The following TTC39B variants were observed in gnomAD, a reference collection of about 807,000 sequenced individuals.
The protein encoded by TTC39B is tetratricopeptide repeat domain 39B, also known as tetratricopeptide repeat protein 39B.
A neutral mutation model predicts 96.6 loss-of-function variants in TTC39B; 92 were observed. The ratio of observed to expected loss-of-function variants is 0.95; its 90% confidence interval spans 0.80 to 1.13. The LOEUF (loss-of-function observed/expected upper bound fraction) is 1.13. Ranked by LOEUF, TTC39B falls within the 50% of genes most tolerant of loss-of-function variation. The pLI is 0.00. For missense variants in TTC39B, 955 were observed against 809.3 expected, an observed-to-expected ratio of 1.18 and a Z score of -2.18; for synonymous variants, 367 against 299.4, an observed-to-expected ratio of 1.23 and a Z score of -2.33.
At position 15,272,373 on chromosome 9, in the gene TTC39B, T is replaced by C. The variant is rs141920809; in HGVS notation, c.241-4425A>G. On this transcript the variant is annotated intron_variant, in intron 1 of 19. Transcript: ENST00000512701. The stretch of plus-strand genomic sequence containing the variant: ...CTCCCCAGTACTGGTGGGCTCACCG[T>C]GTGCCCTCCAGTTACAACACGCACA... Among the ~76,000 whole-genome samples, 253 of 152,306 alleles carry C rather than the reference T, an allele frequency of 1.7e-3. 2 individuals are homozygous for C. Among genetic ancestry groups the C allele is most frequent in the African/African-American group, 5.6e-3 (231 of 41,570 alleles).
At chr9:15,190,611 A>C (rs767480024) in exon 11 of TTC39B, 1 of 1,614,224 alleles carries the variant, frequency 6.2e-7, no homozygotes, top group Admixed American at 1.7e-5. Flanking sequence ...CACAGTGCAG[A>C]CCTCATGCTC....
intron 2 of TTC39B, among the ~76,000 whole-genome samples, chr9:15,227,323 A>G (rs1821178025): frequency 6.6e-6 from 1 of 151,260 alleles, no homozygotes; most frequent in African/African-American, 2.4e-5. Flanking sequence ...AAAAAAAAAA[A>G]GTGCAGTGTC....
intron 1 of TTC39B, among the ~76,000 whole-genome samples, chr9:15,302,346 G>A (rs962455161): frequency 1.2e-4 from 18 of 151,284 alleles, no homozygotes; most frequent in Admixed American, 3.3e-4. Context: ...GCCGGGCGCG[G>A]TGGCTCACGC....
At chr9:15,188,256 TATG>T (rs1564324001) in intron 13 of TTC39B, 124 bp from the exon 14 acceptor site, 3 of 884,988 alleles carry the variant, frequency 3.4e-6, no homozygotes, top group Middle Eastern at 3.4e-4. Flanking sequence ...AACCTCTCAA[TATG>T]ATGATATGTT....
intron 3 of TTC39B, among the ~76,000 whole-genome samples, chr9:15,220,741 A>T (rs1207762674): frequency 6.6e-6 from 1 of 152,040 alleles, no homozygotes; most frequent in African/African-American, 2.4e-5. Context: ...TTGTATAACC[A>T]GTTCCCCTAG....
intron 3 of TTC39B, among the ~76,000 whole-genome samples, chr9:15,221,419 A>T (rs1382963724): frequency 6.6e-6 from 1 of 152,192 alleles, no homozygotes; most frequent in African/African-American, 2.4e-5. Context: ...GGATTTGGCA[A>T]TTGGAAGCTC....
chr9:15,218,508 C>T (rs1310183558), intron 3 of TTC39B, among the ~76,000 whole-genome samples: 1 of 152,064 alleles, frequency 6.6e-6, no homozygotes, highest in Non-Finnish European at 1.5e-5. Flanking sequence ...ATTCATATTC[C>T]TGCCCTGCTA....
At chr9:15,302,616 G>C (rs1824635660) in intron 1 of TTC39B, among the ~76,000 whole-genome samples, 1 of 150,812 alleles carries the variant, frequency 6.6e-6, no homozygotes, top group Admixed American at 6.6e-5. Flanking sequence ...GGCCGAGGTA[G>C]GTGGATCACC....
chr9:15,231,692 TC>T (rs1341598513), intron 2 of TTC39B, among the ~76,000 whole-genome samples: 1 of 152,180 alleles, frequency 6.6e-6, no homozygotes, highest in African/African-American at 2.4e-5. Flanking sequence ...AAATTTAACT[TC>T]CCCAATAAAT....
chr9:15,175,809 C>G (rs1003782874), intron 18 of TTC39B, among the ~76,000 whole-genome samples: 4 of 152,138 alleles, frequency 2.6e-5, no homozygotes, highest in Non-Finnish European at 5.9e-5. Context: ...ATCCTAATAT[C>G]CATGCAGGAG....
chr9:15,239,673 T>C (rs1480080574), intron 2 of TTC39B, among the ~76,000 whole-genome samples: 1 of 152,134 alleles, frequency 6.6e-6, no homozygotes, highest in East Asian at 1.9e-4. Flanking sequence ...GAAAATCAAA[T>C]ACCATGGGTT....
chr9:15,180,450 T>A (rs1818188900), intron 17 of TTC39B, among the ~76,000 whole-genome samples: 1 of 152,238 alleles, frequency 6.6e-6, no homozygotes, highest in African/African-American at 2.4e-5. Context: ...TTCTGTTCTG[T>A]CTTCAAAGTT....
chr9:15,238,029 T>C (rs1821866999), intron 2 of TTC39B, among the ~76,000 whole-genome samples: 2 of 152,116 alleles, frequency 1.3e-5, no homozygotes, highest in Non-Finnish European at 2.9e-5. Context: ...ATTATCTCAA[T>C]AGACACAGAA....
intron 15 of TTC39B, 21 bp from the exon 16 acceptor site, chr9:15,185,427 G>A (rs1818468825): frequency 1.9e-6 from 3 of 1,612,496 alleles, no homozygotes; most frequent in Admixed American, 3.3e-5. Flanking sequence ...CCCCAGCCCA[G>A]CCCCAGAGAA....
intron 1 of TTC39B, among the ~76,000 whole-genome samples, chr9:15,274,861 T>C (rs77624681): frequency 0.027 from 4,163 of 152,128 alleles, 192 homozygotes; most frequent in African/African-American, 0.094. Context: ...AAAAAAATAA[T>C]AACAGCAAAA....
rs149391954 is a variant in TTC39B, at chr9:15,211,463, G to T, written c.483-66C>A. 300 of 1,316,764 alleles carry T rather than the reference G, an allele frequency of 2.3e-4. 4 individuals carry two copies. The East Asian group carries it at 8.2e-3, about 36-fold the overall frequency. 81.6% of individuals were successfully genotyped at this position (1,316,764 alleles called of 1,614,324 possible). On this transcript the variant is annotated intron_variant, in intron 4 of 19. Transcript: ENST00000512701. ...GAAATACTGATCATAAGAAATCCTAGTAAATGCATGTCCTGACTTGCACAG... is the reference window on the plus strand; with the variant it reads ...GAAATACTGATCATAAGAAATCCTATTAAATGCATGTCCTGACTTGCACAG...
At chr9:15,292,495 G>A (rs556671306) in intron 1 of TTC39B, among the ~76,000 whole-genome samples, 6 of 152,188 alleles carry the variant, frequency 3.9e-5, no homozygotes, top group Non-Finnish European at 5.9e-5. Context: ...ACTATTAATC[G>A]TGATTTTAGA....
chr9:15,272,414 T>A (rs114544218), intron 1 of TTC39B, among the ~76,000 whole-genome samples: 5,125 of 152,268 alleles, frequency 0.034, 284 homozygotes, highest in African/African-American at 0.12. Flanking sequence ...AGGAGCATCC[T>A]GACTCCTTCC....
chr9:15,197,485 G>C lies in TTC39B; in HGVS notation c.824+2376C>G, dbSNP rs557841253. On this transcript the variant is annotated intron_variant, in intron 8 of 19. Transcript: ENST00000512701. ...TTTGGTTCTGCTACCAGTAATGGTA[G>C]GGTAGCTTATGTCAGATTAACTTTC... Among the ~76,000 whole-genome samples the C allele has an allele frequency of 2.0e-5, 3 of 152,248 alleles. No homozygotes were observed. The East Asian group carries it at 5.8e-4, about 29-fold the overall frequency.
Sources: gnomAD v4.1 joint callset for allele counts (sites outside exome capture counted in the v4.1 genomes callset) on GRCh38, gnomAD v4.1.1 for gene constraint, MANE v1.5 for transcripts, NCBI Gene and HGNC (gene_info 2026-07-23, HGNC 2026-07-21) for gene names.